HCN1: variants seen among roughly 807,000 people sequenced by gnomAD.
HCN1 encodes the protein potassium/sodium hyperpolarization-activated cyclic nucleotide-gated channel 1.
Under a neutral mutation model 78.9 loss-of-function variants are expected in HCN1, and 13 were observed. The ratio of observed to expected loss-of-function variants is 0.16; its 90% confidence interval spans 0.11 to 0.26. The LOEUF is 0.26. Among genes scored for constraint, HCN1 ranks in the 10% least tolerant of loss-of-function variants. The probability of loss-of-function intolerance (pLI) is 1.00; values close to 1 mark genes in which losing one functional copy is unlikely to be tolerated. For missense variants in HCN1, 810 were observed against 1,154.3 expected (o/e 0.70, Z 4.32); for synonymous variants, 552 against 455.5 (o/e 1.21, Z -2.70).
chr5:45,470,090 C>A (rs1465807857), intron 2 of HCN1, among the ~76,000 whole-genome samples: 1 of 151,964 alleles, frequency 6.6e-6, no homozygotes, highest in African/African-American at 2.4e-5. Flanking sequence ...GAAAGCAAAG[C>A]TTATTCATAA....
chr5:45,503,172 G>A (rs1017443956), intron 2 of HCN1, among the ~76,000 whole-genome samples: 1 of 152,104 alleles, frequency 6.6e-6, no homozygotes, highest in Non-Finnish European at 1.5e-5. Context: ...AATAAATGTT[G>A]GTCGTGGCTG....
At chr5:45,582,866 A>T (rs945144679) in intron 2 of HCN1, among the ~76,000 whole-genome samples, 6 of 152,188 alleles carry the variant, frequency 3.9e-5, no homozygotes, top group African/African-American at 1.4e-4. Context: ...CCCAGGGATG[A>T]AGCCCACTTG....
At chr5:45,366,138 C>A (rs1486386138) in intron 4 of HCN1, among the ~76,000 whole-genome samples, 1 of 150,536 alleles carries the variant, frequency 6.6e-6, no homozygotes, top group Admixed American at 6.7e-5. Flanking sequence ...AATGTGGGTG[C>A]ACTGATTGTT....
At chr5:45,460,628 T>G (rs902350293) in intron 3 of HCN1, among the ~76,000 whole-genome samples, 1 of 151,638 alleles carries the variant, frequency 6.6e-6, no homozygotes, top group Non-Finnish European at 1.5e-5. Flanking sequence ...TAAGCAAATA[T>G]TAATGAAATG....
chr5:45,434,543 A>AT (rs2112080413), intron 3 of HCN1, among the ~76,000 whole-genome samples: 1 of 152,346 alleles, frequency 6.6e-6, no homozygotes, highest in Non-Finnish European at 1.5e-5. Flanking sequence ...AACAGTTGAC[A>AT]TTTTTTAGAA....
In HCN1 at chr5:45,257,267, T is replaced by G. The variant is rs891367327; in HGVS notation, c.*4654A>C. The G allele has an allele frequency of 1.3e-5, 2 of 152,192 alleles. No homozygotes were observed. Among genetic ancestry groups the G allele is most frequent in the African/African-American group, 2.4e-5 (1 of 41,448 alleles). The allele number at this position is 152,192 out of a possible 1,614,324, so 9.4% of individuals were successfully genotyped here. Reference sequence around the variant, plus strand: ...TCAGAAGGTTTTTGAAATCCCTATTTCCCACTTGATCTGGGTTCCTCTTCA... The same window carrying G: ...TCAGAAGGTTTTTGAAATCCCTATTGCCCACTTGATCTGGGTTCCTCTTCA... On this transcript the variant is annotated 3_prime_UTR_variant, in exon 8 of 8. Transcript: ENST00000303230.
At position 45,395,849 on chromosome 5, in the gene HCN1, GA is replaced by G. The variant is rs374518709; in HGVS notation, c.1230+642del. On this transcript the variant is annotated intron_variant, in intron 4 of 7. Coordinates refer to ENST00000303230, the MANE Select transcript of HCN1 (RefSeq NM_021072.4). ...CTAGCCAAAGAAATTCTTCATGTGG[GA>G]AAAAAAAATCCAATGAATAAATCAT... Among the ~76,000 whole-genome samples, 661 of 151,056 alleles carry G rather than the reference GA, an allele frequency of 4.4e-3. 2 individuals carry two copies. The highest frequency in any genetic ancestry group is 6.8e-3 in the Non-Finnish European group (461 of 67,658).
intron 1 of HCN1, among the ~76,000 whole-genome samples, chr5:45,675,459 T>C (rs1470924304): frequency 3.3e-5 from 5 of 151,798 alleles, no homozygotes; most frequent in African/African-American, 1.2e-4. Flanking sequence ...AACCCAAATG[T>C]GGTTTGAGCC....
At chr5:45,524,967 C>T (rs902671154) in intron 2 of HCN1, among the ~76,000 whole-genome samples, 4 of 152,028 alleles carry the variant, frequency 2.6e-5, no homozygotes, top group Non-Finnish European at 5.9e-5. Context: ...CAGTTTTTGC[C>T]CATTCAGTAT....
At chr5:45,635,774 T>C (rs529754386) in intron 2 of HCN1, among the ~76,000 whole-genome samples, 109 of 152,254 alleles carry the variant, frequency 7.2e-4, no homozygotes, top group Middle Eastern at 3.4e-3. Context: ...CTGTTGCAAC[T>C]GAAGGGCTCT....
At chr5:45,650,291 G>A (rs1013132890) in intron 1 of HCN1, among the ~76,000 whole-genome samples, 27 of 152,020 alleles carry the variant, frequency 1.8e-4, no homozygotes, top group African/African-American at 5.1e-4. Flanking sequence ...GAGAAGCCAC[G>A]ACACAAAAAT....
chr5:45,332,243 G>A (rs1331467345), intron 5 of HCN1, among the ~76,000 whole-genome samples: 1 of 151,262 alleles, frequency 6.6e-6, no homozygotes, highest in African/African-American at 2.4e-5. Context: ...AGATATTTTG[G>A]TACAGTAATG....
At chr5:45,380,519 C>CTGCAGAGTTCTGGGTTACTAAATA (rs1747785038) in intron 4 of HCN1, among the ~76,000 whole-genome samples, 1 of 152,072 alleles carries the variant, frequency 6.6e-6, no homozygotes, top group Non-Finnish European at 1.5e-5. Context: ...AGGTTCAAAA[C>CTGCAGAGTTCTGGGTTACTAAATA]TGCAGAGTTC....
At position 45,341,118 on chromosome 5, in the gene HCN1, C is replaced by T. The variant is rs142495870; in HGVS notation, c.1377+11982G>A. Among the ~76,000 whole-genome samples the T allele has an allele frequency of 5.1e-3, 769 of 152,214 alleles. 1 individual carries two copies. The highest frequency in any genetic ancestry group is 0.018 in the African/African-American group (735 of 41,554). On this transcript the variant is annotated intron_variant, in intron 5 of 7. Coordinates refer to ENST00000303230, the MANE Select transcript of HCN1 (RefSeq NM_021072.4). ...ATACTGTTTTGTAAAGAATGCTTCACAGAAACTTTATGGAAACAATGTCCT... is the reference window on the plus strand; with the variant it reads ...ATACTGTTTTGTAAAGAATGCTTCATAGAAACTTTATGGAAACAATGTCCT...
At chr5:45,522,479 C>A (rs886252475) in intron 2 of HCN1, among the ~76,000 whole-genome samples, 2 of 151,922 alleles carry the variant, frequency 1.3e-5, no homozygotes, top group African/African-American at 4.8e-5. Context: ...CAGTACTATA[C>A]CCCTACAATT....
At chr5:45,502,243 G>A (rs1372467178) in intron 2 of HCN1, among the ~76,000 whole-genome samples, 22 of 151,660 alleles carry the variant, frequency 1.5e-4, no homozygotes, top group Middle Eastern at 3.4e-3. Context: ...CGAGGCGGGC[G>A]GATCATCTGA....
rs1335934380 is a variant in HCN1, at chr5:45,262,614, C to T, written c.1980G>A (p.Met660Ile). ...TGTACACCGGTGGAGATTGTGTCCT[C>T]ATGCGGGAGGTCGGGGTCGTAGTAG... ...TSSTTTPTSR[M>I]RTQSPPVYTA... The change falls in exon 8 of 8, where the codon ATG (methionine) becomes ATA (isoleucine). Residue 660 changes from methionine (M) to isoleucine (I), a missense_variant. Physicochemically the swap from Met to Ile is conservative, Grantham distance 10. Coordinates refer to ENST00000303230, the MANE Select transcript of HCN1 (RefSeq NM_021072.4). 11 of 1,613,702 alleles carry T rather than the reference C, an allele frequency of 6.8e-6. No individual in the cohort carries two copies. The highest frequency in any genetic ancestry group is 2.7e-5 in the African/African-American group (2 of 74,826).
chr5:45,586,253 G>A (rs968543562), intron 2 of HCN1, among the ~76,000 whole-genome samples: 19 of 152,224 alleles, frequency 1.2e-4, no homozygotes, highest in South Asian at 4.1e-4. Flanking sequence ...CCTCGCTGCC[G>A]CCTTGCAGTT....
intron 4 of HCN1, among the ~76,000 whole-genome samples, chr5:45,373,260 T>C (rs1364185930): frequency 8.6e-6 from 1 of 116,152 alleles, no homozygotes; most frequent in East Asian, 2.3e-4. Flanking sequence ...TATTTTATAT[T>C]ATATATTATA....
Sources: allele counts gnomAD v4.1 joint callset (sites outside exome capture counted in the v4.1 genomes callset), GRCh38; gene constraint gnomAD v4.1.1; transcripts MANE v1.5; gene names NCBI Gene and HGNC (gene_info 2026-07-23, HGNC 2026-07-21).